MACROD2: variants seen among roughly 807,000 people sequenced by gnomAD.
MACROD2 encodes the protein ADP-ribose glycohydrolase MACROD2.
In MACROD2, 36 loss-of-function variants were observed where a neutral mutation model predicts 70.4. That is an observed-to-expected ratio of 0.51 (90% CI 0.39 to 0.68). The LOEUF (loss-of-function observed/expected upper bound fraction) is 0.68. Ranked by LOEUF, MACROD2 falls within the 30% of genes least tolerant of loss-of-function variation. The pLI is 0.00. For synonymous variants in MACROD2, 172 were observed against 178.8 expected (o/e 0.96, Z 0.30); for missense variants, 496 against 538.4 (o/e 0.92, Z 0.78).
At chr20:15,525,133 T>A (rs2047705055) in intron 8 of MACROD2, among the ~76,000 whole-genome samples, 1 of 152,222 alleles carries the variant, frequency 6.6e-6, no homozygotes, top group Non-Finnish European at 1.5e-5. Context: ...TACTGTTGGC[T>A]CATAAAGATG....
intron 5 of MACROD2, among the ~76,000 whole-genome samples, chr20:14,713,339 A>G (rs1049556801): frequency 6.6e-5 from 10 of 152,186 alleles, no homozygotes; most frequent in African/African-American, 2.2e-4. Context: ...AGAGAAATGA[A>G]GAACTAGATC....
chr20:15,891,891 G>T (rs2064894469), intron 10 of MACROD2, among the ~76,000 whole-genome samples: 1 of 152,166 alleles, frequency 6.6e-6, no homozygotes, highest in Non-Finnish European at 1.5e-5. Context: ...AATTATTAGT[G>T]CTGTGAAGTG....
chr20:15,287,328 T>C (rs758028728), intron 6 of MACROD2, among the ~76,000 whole-genome samples: 28 of 152,232 alleles, frequency 1.8e-4, no homozygotes, highest in Non-Finnish European at 3.4e-4. Flanking sequence ...GGATAAATGA[T>C]AGCTTTAATG....
intron 5 of MACROD2, among the ~76,000 whole-genome samples, chr20:14,854,759 A>G (rs1416531172): frequency 1.3e-5 from 2 of 152,134 alleles, no homozygotes; most frequent in East Asian, 1.9e-4. Context: ...GCTCACGCCT[A>G]TAATCCTAGC....
At chr20:14,202,696 A>C (rs2081489263) in intron 3 of MACROD2, among the ~76,000 whole-genome samples, 1 of 152,240 alleles carries the variant, frequency 6.6e-6, no homozygotes, top group Admixed American at 6.5e-5. Context: ...AGTTGCAGAA[A>C]GCAATGGATT....
intron 5 of MACROD2, among the ~76,000 whole-genome samples, chr20:14,835,086 T>C (rs2073014424): frequency 6.6e-6 from 1 of 152,030 alleles, no homozygotes; most frequent in South Asian, 2.1e-4. Flanking sequence ...TTTAGTTTAG[T>C]TTTTGCTGAT....
intron 3 of MACROD2, chr20:14,325,049 A>G (rs2082711891): frequency 6.6e-6 from 1 of 152,622 alleles, no homozygotes; most frequent in Non-Finnish European, 1.5e-5. Context: ...CAAATTTAAT[A>G]ATTGGAACAT....
chr20:15,920,846 T>A (rs927268715), intron 10 of MACROD2, among the ~76,000 whole-genome samples: 4 of 152,196 alleles, frequency 2.6e-5, no homozygotes, highest in Admixed American at 6.5e-5. Flanking sequence ...TTAAGAATGT[T>A]CTTCAGGATA....
rs12151917 is a variant in MACROD2, at chr20:14,520,959, A to G, written c.301+27451A>G. ...CAGACATGCACGCGTGCGTGCGCGCACACACACACACACACGCACACACAC... is the reference window on the plus strand; with the variant it reads ...CAGACATGCACGCGTGCGTGCGCGCGCACACACACACACACGCACACACAC... On this transcript the variant is annotated intron_variant, in intron 4 of 17. Coordinates refer to ENST00000684519, the MANE Select transcript of MACROD2 (RefSeq NM_001351661.2). 2.5e-4 allele frequency among the ~76,000 whole-genome samples: 15 copies of G among 59,726 alleles called. No individual in the cohort carries two copies. In the East Asian group the frequency reaches 3.3e-3, roughly 13 times the overall value. 39.2% of individuals were successfully genotyped at this position (59,726 alleles called of 152,430 possible). A position where few individuals can be genotyped will look rare whatever the true frequency, so the allele number is the denominator to read the frequency against.
intron 5 of MACROD2, among the ~76,000 whole-genome samples, chr20:15,051,582 G>A (rs1295226693): frequency 6.6e-6 from 1 of 151,946 alleles, no homozygotes; most frequent in Non-Finnish European, 1.5e-5. Flanking sequence ...AGTAGATGAG[G>A]CCCACTCAGA....
At chr20:14,744,488 C>CT (rs560757304) in intron 5 of MACROD2, among the ~76,000 whole-genome samples, 4 of 151,910 alleles carry the variant, frequency 2.6e-5, no homozygotes, top group African/African-American at 9.7e-5. Context: ...ACTGTCTTAG[C>CT]TTTTTTTCAA....
chr20:15,737,676 G>C (rs1461039018), intron 8 of MACROD2, among the ~76,000 whole-genome samples: 2 of 152,200 alleles, frequency 1.3e-5, no homozygotes, highest in Non-Finnish European at 2.9e-5. Flanking sequence ...CATTAAGAAA[G>C]TAAATCATTC....
intron 8 of MACROD2, among the ~76,000 whole-genome samples, chr20:15,574,641 A>G (rs574012453): frequency 6.6e-6 from 1 of 152,124 alleles, no homozygotes; most frequent in African/African-American, 2.4e-5. Context: ...CAAATCATAC[A>G]GGGCTTGGAC....
chr20:14,013,726 G>T (rs2052948052), intron 2 of MACROD2, among the ~76,000 whole-genome samples: 1 of 133,082 alleles, frequency 7.5e-6, no homozygotes, highest in South Asian at 2.4e-4. Flanking sequence ...TGTTGCCCAG[G>T]CTGGAGTGCC....
chr20:15,503,578 A>G (rs2047390414), intron 8 of MACROD2, among the ~76,000 whole-genome samples: 1 of 152,260 alleles, frequency 6.6e-6, no homozygotes, highest in South Asian at 2.1e-4. Flanking sequence ...CTCATGAATT[A>G]TAGAATCCCA....
At chr20:15,565,000 A>G (rs941989875) in intron 8 of MACROD2, among the ~76,000 whole-genome samples, 3 of 152,186 alleles carry the variant, frequency 2.0e-5, no homozygotes, top group African/African-American at 7.2e-5. Flanking sequence ...TTCCTGGCAA[A>G]TGTACTGGAT....
intron 6 of MACROD2, among the ~76,000 whole-genome samples, chr20:15,294,528 T>C (rs1360009303): frequency 6.6e-6 from 1 of 152,246 alleles, no homozygotes; most frequent in Non-Finnish European, 1.5e-5. Context: ...GGTGGCTTGG[T>C]GCTCAGATCT....
chr20:15,937,403 G>T, intron 11 of MACROD2, 73 bp from the exon 12 acceptor site: 3 of 1,346,650 alleles, frequency 2.2e-6, no homozygotes, highest in Non-Finnish European at 3.2e-6. Context: ...GGAGGGAGGT[G>T]CAGGGCAGGA....
At chr20:14,661,764 T>C (rs1986237970) in intron 4 of MACROD2, among the ~76,000 whole-genome samples, 1 of 151,550 alleles carries the variant, frequency 6.6e-6, no homozygotes, top group African/African-American at 2.4e-5. Context: ...TATTAATAAA[T>C]GTATGAATTT....
Sources: gnomAD v4.1 joint callset for allele counts (sites outside exome capture counted in the v4.1 genomes callset) on GRCh38, gnomAD v4.1.1 for gene constraint, MANE v1.5 for transcripts, NCBI Gene and HGNC (gene_info 2026-07-23, HGNC 2026-07-21) for gene names.